The following DACH1 variants were observed in gnomAD, a reference collection of about 807,000 sequenced individuals.
The protein encoded by DACH1 is dachshund homolog 1.
In DACH1, 12 loss-of-function variants were observed where a neutral mutation model predicts 54.2. The ratio of observed to expected loss-of-function variants is 0.22; its 90% confidence interval spans 0.14 to 0.36. The LOEUF (loss-of-function observed/expected upper bound fraction) is 0.36, where lower values mean the gene tolerates loss of function less well. Among genes scored for constraint, DACH1 ranks in the 10% least tolerant of loss-of-function variants. DACH1 has a pLI of 1.00. For synonymous variants in DACH1, 386 were observed against 366.2 expected, an observed-to-expected ratio of 1.05 and a Z score of -0.62; for missense variants, 805 against 929.8, an observed-to-expected ratio of 0.87 and a Z score of 1.75.
chr13:71,721,267 A>C (rs1442122567), intron 1 of DACH1, among the ~76,000 whole-genome samples: 2 of 152,166 alleles, frequency 1.3e-5, no homozygotes, highest in Non-Finnish European at 2.9e-5. Flanking sequence ...CATAATATTA[A>C]GCAGACATTT....
At chr13:71,582,428 C>G (rs988354830) in intron 3 of DACH1, among the ~76,000 whole-genome samples, 10 of 152,054 alleles carry the variant, frequency 6.6e-5, no homozygotes, top group African/African-American at 2.4e-4. Context: ...AAAGATTTAA[C>G]AATCCTAACT....
intron 2 of DACH1, among the ~76,000 whole-genome samples, chr13:71,662,566 T>C (rs1172667083): frequency 6.6e-6 from 1 of 151,964 alleles, no homozygotes; most frequent in African/African-American, 2.4e-5. Context: ...ATATGATAAA[T>C]CCCAATAGAT....
intron 2 of DACH1, among the ~76,000 whole-genome samples, chr13:71,663,248 A>G (rs1265007792): frequency 1.3e-5 from 2 of 151,902 alleles, no homozygotes; most frequent in Non-Finnish European, 2.9e-5. Context: ...AACAGAGACA[A>G]TAATTCAATA....
At chr13:71,663,443 G>T (rs1879637017) in intron 2 of DACH1, among the ~76,000 whole-genome samples, 1 of 151,970 alleles carries the variant, frequency 6.6e-6, no homozygotes. Context: ...TTGAGGAGTA[G>T]AGCCTAGGTT....
At chr13:71,623,194 A>G (rs1876372779) in intron 3 of DACH1, among the ~76,000 whole-genome samples, 2 of 151,698 alleles carry the variant, frequency 1.3e-5, no homozygotes, top group African/African-American at 2.4e-5. Context: ...TGTTGCCATC[A>G]TTAATGTTTC....
intron 3 of DACH1, among the ~76,000 whole-genome samples, chr13:71,620,614 C>G (rs1422779216): frequency 6.6e-6 from 1 of 151,812 alleles, no homozygotes; most frequent in African/African-American, 2.4e-5. Context: ...TGTCATAACA[C>G]TTTTACATTT....
intron 1 of DACH1, among the ~76,000 whole-genome samples, chr13:71,687,921 T>C (rs781308822): frequency 5.3e-5 from 8 of 152,208 alleles, no homozygotes; most frequent in Non-Finnish European, 4.4e-5. Flanking sequence ...AAACAAACTT[T>C]TAAAACTAAT....
intron 1 of DACH1, among the ~76,000 whole-genome samples, chr13:71,825,084 C>T (rs1183772945): frequency 6.6e-6 from 1 of 151,830 alleles, no homozygotes; most frequent in Admixed American, 6.6e-5. Context: ...TCACACATAC[C>T]AAAATTGATG....
chr13:71,640,107 C>T lies in DACH1; in HGVS notation c.965-9390G>A, dbSNP rs568721703. On this transcript the variant is annotated intron_variant, in intron 2 of 10. Coordinates refer to ENST00000613252, the MANE Select transcript of DACH1 (RefSeq NM_080759.6). Reference sequence around the variant, plus strand: ...GAGTAATCCCAATTCGCCTTACTCCCAGTTCAGCACTGACCACACGGATTC... The same window carrying T: ...GAGTAATCCCAATTCGCCTTACTCCTAGTTCAGCACTGACCACACGGATTC... Among the ~76,000 whole-genome samples, 12 of 152,044 alleles carry T rather than the reference C, an allele frequency of 7.9e-5. No homozygotes were observed. In the South Asian group the frequency reaches 1.5e-3, roughly 18 times the overall value.
chr13:71,586,119 GT>G (rs1873241577), intron 3 of DACH1, among the ~76,000 whole-genome samples: 1 of 152,054 alleles, frequency 6.6e-6, no homozygotes, highest in African/African-American at 2.4e-5. Flanking sequence ...TCTGTATCAT[GT>G]TTGGAAGGTT....
intron 1 of DACH1, among the ~76,000 whole-genome samples, chr13:71,815,707 A>G (rs992001928): frequency 6.6e-6 from 1 of 152,244 alleles, no homozygotes; most frequent in Non-Finnish European, 1.5e-5. Flanking sequence ...CGTGACAGGT[A>G]TAATACTGAA....
At chr13:71,584,067 A>G (rs897538887) in intron 3 of DACH1, among the ~76,000 whole-genome samples, 8 of 152,196 alleles carry the variant, frequency 5.3e-5, no homozygotes, top group African/African-American at 1.7e-4. Context: ...ACATCAGAGA[A>G]TATTAAGATC....
At chr13:71,692,711 C>T (rs1295912444) in intron 1 of DACH1, among the ~76,000 whole-genome samples, 2 of 151,442 alleles carry the variant, frequency 1.3e-5, no homozygotes, top group East Asian at 2.0e-4. Context: ...TTAGTAGAGA[C>T]GGGGTTTCAC....
At chr13:71,542,446 G>T (rs754023443) in intron 6 of DACH1, among the ~76,000 whole-genome samples, 7 of 151,818 alleles carry the variant, frequency 4.6e-5, no homozygotes, top group Non-Finnish European at 8.8e-5. Flanking sequence ...TCATTTCATG[G>T]TAAAAACTTT....
intron 3 of DACH1, among the ~76,000 whole-genome samples, chr13:71,584,480 A>T (rs1873083300): frequency 5.3e-5 from 8 of 152,110 alleles, no homozygotes; most frequent in Admixed American, 5.2e-4. Flanking sequence ...GTCTTTTAAT[A>T]CTTGTGTGTG....
Position 71,866,616 on chromosome 13 carries a change from G to T in DACH1, c.154C>A (p.Pro52Thr), listed in dbSNP as rs1874832621. 6 of 1,379,314 alleles carry T rather than the reference G, an allele frequency of 4.3e-6. No homozygotes were observed. The allele number at this position is 1,379,314 out of a possible 1,614,324, so 85.4% of individuals were successfully genotyped here. Reference protein sequence around the residue: ...PSIGPPASSGPTLFRPEPIAS... With the variant: ...PSIGPPASSGTTLFRPEPIAS... The stretch of plus-strand genomic sequence containing the variant: ...ATGGGCTCCGGGCGGAACAGAGTTG[G>T]CCCAGAGGACGCCGGGGGTCCGATG... The change falls in exon 1 of 11, where the codon CCA (proline) becomes ACA (threonine). Residue 52 changes from proline to threonine, a missense_variant. Physicochemically the swap from Pro to Thr is conservative, Grantham distance 38. This residue lies in a region of DACH1 where 305 missense variants were observed against 308.7 expected (regional missense o/e 0.99). Transcript: ENST00000613252.
intron 9 of DACH1, among the ~76,000 whole-genome samples, 181 bp downstream of exon 9, chr13:71,475,525 T>A (rs1441018214): frequency 6.6e-6 from 1 of 152,114 alleles, no homozygotes; most frequent in Non-Finnish European, 1.5e-5. Flanking sequence ...TAAAAAACAG[T>A]GGAAGCACCT....
chr13:71,866,939 G>A lies in DACH1; in HGVS notation c.-170C>T, dbSNP rs992730516. 9 of 510,520 alleles carry A rather than the reference G, an allele frequency of 1.8e-5. No homozygotes were observed. Among genetic ancestry groups the A allele is most frequent in the African/African-American group, 1.6e-4 (8 of 50,278 alleles). 31.6% of individuals were successfully genotyped at this position (510,520 alleles called of 1,614,324 possible). A position where few individuals can be genotyped will look rare whatever the true frequency, so the allele number is the denominator to read the frequency against. On this transcript the variant is annotated 5_prime_UTR_variant, in exon 1 of 11. Coordinates refer to ENST00000613252, the MANE Select transcript of DACH1 (RefSeq NM_080759.6). ...AGAAGGGGGAGAAAAGGAGGTGAAGGTAATAAAGAGCGAGCGCAAGAGGGG... is the reference window on the plus strand; with the variant it reads ...AGAAGGGGGAGAAAAGGAGGTGAAGATAATAAAGAGCGAGCGCAAGAGGGG...
At chr13:71,447,882 C>T (rs1215983601) in intron 10 of DACH1, among the ~76,000 whole-genome samples, 1 of 150,838 alleles carries the variant, frequency 6.6e-6, no homozygotes. Flanking sequence ...TAAATTAATA[C>T]AATTTCAAAT....
Sources: allele counts gnomAD v4.1 joint callset (sites outside exome capture counted in the v4.1 genomes callset), GRCh38; gene constraint gnomAD v4.1.1; regional missense constraint gnomAD v4.1.1; transcripts MANE v1.5; gene names NCBI Gene and HGNC (gene_info 2026-07-23, HGNC 2026-07-21).